Variants in SLC9C1 observed in about 807,000 individuals in gnomAD.
The protein encoded by SLC9C1 is sodium/hydrogen exchanger 10.
In SLC9C1, 97 loss-of-function variants were observed where a neutral mutation model predicts 140.9. That is an observed-to-expected ratio of 0.69 (90% CI 0.58 to 0.82). The LOEUF is 0.82. Ranked by LOEUF, SLC9C1 falls within the 40% of genes least tolerant of loss-of-function variation. The pLI is 0.00. For synonymous variants in SLC9C1, 440 were observed against 442.6 expected (o/e 0.99, Z 0.07); for missense variants, 1,340 against 1,389.3 (o/e 0.96, Z 0.56).
chr3:112,269,406 G>A (rs79240290), intron 7 of SLC9C1, among the ~76,000 whole-genome samples: 1 of 152,160 alleles, frequency 6.6e-6, no homozygotes, highest in Non-Finnish European at 1.5e-5. Context: ...CACCACGCCT[G>A]GTAGGAACCC....
At chr3:112,267,389 A>T (rs979254172) in intron 7 of SLC9C1, among the ~76,000 whole-genome samples, 2 of 151,886 alleles carry the variant, frequency 1.3e-5, no homozygotes, top group Non-Finnish European at 2.9e-5. Flanking sequence ...CTCCTGGCTA[A>T]CATGGTGAAA....
chr3:112,291,978 G>T (rs1471756942), intron 1 of SLC9C1, among the ~76,000 whole-genome samples: 1 of 152,212 alleles, frequency 6.6e-6, no homozygotes, highest in Non-Finnish European at 1.5e-5. Flanking sequence ...GAACATGGAT[G>T]GAGCTGGAAG....
intron 3 of SLC9C1, 81 bp downstream of exon 3, chr3:112,280,602 C>G: frequency 1.6e-6 from 2 of 1,248,132 alleles, no homozygotes; most frequent in Non-Finnish European, 1.1e-6. Flanking sequence ...GGATGAATAA[C>G]TTTTGCAAAT....
At chr3:112,196,095 C>A (rs1005027315) in intron 20 of SLC9C1, among the ~76,000 whole-genome samples, 1 of 152,024 alleles carries the variant, frequency 6.6e-6, no homozygotes, top group African/African-American at 2.4e-5. Flanking sequence ...AGGTAACAAA[C>A]TCCCTAAACT....
intron 10 of SLC9C1, among the ~76,000 whole-genome samples, chr3:112,248,578 G>C (rs2079358910): frequency 6.6e-6 from 1 of 152,170 alleles, no homozygotes; most frequent in Admixed American, 6.6e-5. Context: ...TACTGAACAT[G>C]AATTTCATGA....
intron 23 of SLC9C1, among the ~76,000 whole-genome samples, chr3:112,175,910 C>T (rs993939909): frequency 6.6e-6 from 1 of 152,234 alleles, no homozygotes; most frequent in Non-Finnish European, 1.5e-5. Flanking sequence ...GGCTGGATTT[C>T]CAAGCCAGTG....
chr3:112,239,135 C>T (rs1005420402), intron 12 of SLC9C1, among the ~76,000 whole-genome samples: 2 of 152,230 alleles, frequency 1.3e-5, no homozygotes, highest in Non-Finnish European at 2.9e-5. Context: ...GCTTTGTTTA[C>T]TTACTCAAGC....
intron 26 of SLC9C1, among the ~76,000 whole-genome samples, chr3:112,165,972 G>T (rs2077124741): frequency 6.6e-6 from 1 of 152,186 alleles, no homozygotes; most frequent in South Asian, 2.1e-4. Flanking sequence ...AGCAATGGCG[G>T]GTCCCCCTCC....
intron 26 of SLC9C1, among the ~76,000 whole-genome samples, chr3:112,162,486 G>GTTGGATT (rs1054938442): frequency 6.6e-6 from 1 of 152,182 alleles, no homozygotes; most frequent in African/African-American, 2.4e-5. Context: ...ATGAAGGGTT[G>GTTGGATT]TTGGATTTTG....
intron 6 of SLC9C1, among the ~76,000 whole-genome samples, chr3:112,271,432 A>G (rs2080075227): frequency 2.0e-5 from 2 of 101,658 alleles, no homozygotes; most frequent in Admixed American, 1.1e-4. Flanking sequence ...ATTGTACCCC[A>G]TAAATGTATA....
intron 6 of SLC9C1, among the ~76,000 whole-genome samples, chr3:112,274,459 A>G (rs2080160749): frequency 6.6e-6 from 1 of 152,132 alleles, no homozygotes; most frequent in East Asian, 1.9e-4. Flanking sequence ...GTAGATGGCT[A>G]ATAACTCATA....
chr3:112,276,934 A>C (rs1183905473), intron 5 of SLC9C1, among the ~76,000 whole-genome samples: 2 of 152,058 alleles, frequency 1.3e-5, no homozygotes, highest in Admixed American at 6.6e-5. Flanking sequence ...CTATATTTCT[A>C]CCTGCCTCAG....
At chr3:112,185,234 C>T (rs2077510495) in intron 20 of SLC9C1, among the ~76,000 whole-genome samples, 1 of 151,290 alleles carries the variant, frequency 6.6e-6, no homozygotes, top group South Asian at 2.1e-4. Flanking sequence ...GGCCTTAAGT[C>T]CAGTAGGCCA....
chr3:112,143,187 C>T (rs2131232), intron 28 of SLC9C1, among the ~76,000 whole-genome samples: 43,300 of 151,742 alleles, frequency 0.29, 6,329 homozygotes, highest in East Asian at 0.37. Context: ...GTAAGTGGTG[C>T]TACGATGAAC....
chr3:112,215,986 T>C (rs967119820), intron 15 of SLC9C1, among the ~76,000 whole-genome samples: 1 of 152,216 alleles, frequency 6.6e-6, no homozygotes, highest in East Asian at 1.9e-4. Flanking sequence ...CAAAACAGCA[T>C]GGTACTGGTA....
chr3:112,162,807 C>T (rs2075347382), intron 26 of SLC9C1, among the ~76,000 whole-genome samples: 1 of 126,030 alleles, frequency 7.9e-6, no homozygotes, highest in African/African-American at 3.1e-5. Context: ...GGGAGGATTC[C>T]CTCTTTTTCT....
Position 112,270,053 on chromosome 3 carries a change from C to A in SLC9C1, c.638G>T (p.Cys213Phe). 6.4e-7 allele frequency: 1 copy of A among 1,568,048 alleles called. No individual in the cohort carries two copies. Among genetic ancestry groups the A allele is most frequent in the Non-Finnish European group, 8.6e-7 (1 of 1,159,776 alleles). Reference protein sequence around the residue: ...TLAEEIVGGICSYIIASFLFG... With the variant: ...TLAEEIVGGIFSYIIASFLFG... ...CAAGAAACTTGCTATAATATATGAA[C>A]AAATTCCACCCACGATCTCTTCAGC... The change falls in exon 7 of 29, where the codon TGT becomes TTT. Residue 213 changes from cysteine to phenylalanine, a missense_variant. Transcript: ENST00000305815.
intron 23 of SLC9C1, among the ~76,000 whole-genome samples, chr3:112,174,731 G>A (rs572134048): frequency 6.6e-6 from 1 of 152,280 alleles, no homozygotes; most frequent in Admixed American, 6.5e-5. Context: ...GGGCTGTAAG[G>A]GCTGAGCCAC....
intron 14 of SLC9C1, 93 bp from the exon 15 acceptor site, chr3:112,217,654 T>A: frequency 1.7e-6 from 2 of 1,162,476 alleles, no homozygotes; most frequent in African/African-American, 1.6e-5. Context: ...ATAAGTTTAA[T>A]TTTGCACAAA....
Sources: allele counts gnomAD v4.1 joint callset (sites outside exome capture counted in the v4.1 genomes callset), GRCh38; gene constraint gnomAD v4.1.1; transcripts MANE v1.5; gene names NCBI Gene and HGNC (gene_info 2026-07-23, HGNC 2026-07-21).